CADM4: variants seen among roughly 807,000 people sequenced by gnomAD.
The protein encoded by CADM4 is cell adhesion molecule 4.
A neutral mutation model predicts 43.9 loss-of-function variants in CADM4; 13 were observed. The observed-to-expected ratio is 0.30, with a 90% CI of 0.19 to 0.47. The LOEUF (loss-of-function observed/expected upper bound fraction) is 0.47, where lower values mean the gene tolerates loss of function less well. Ranked by LOEUF, CADM4 falls within the 20% of genes least tolerant of loss-of-function variation. The probability of loss-of-function intolerance (pLI) is 1.00; values close to 1 mark genes in which losing one functional copy is unlikely to be tolerated. For synonymous variants in CADM4, 209 were observed against 220.9 expected (o/e 0.95, Z 0.48); for missense variants, 420 against 527.0 (o/e 0.80, Z 1.99).
chr19:43,624,026 C>T (rs1161230859), intron 8 of CADM4, 88 bp downstream of exon 8: 2 of 1,524,412 alleles, frequency 1.3e-6, no homozygotes, highest in Admixed American at 1.8e-5. Flanking sequence ...GCCTAGGCTC[C>T]GCCCTCTCGT....
Position 43,639,806 on chromosome 19 carries a change from G to A in CADM4, c.-16C>T, listed in dbSNP as rs1303329753. On this transcript the variant is annotated 5_prime_UTR_variant, in exon 1 of 9. Coordinates refer to ENST00000222374, the MANE Select transcript of CADM4 (RefSeq NM_145296.2). ...CCCGGCCCATGGTGCCGCCGCCGCC[G>A]CCGCCGCCGCTCGCTCCCGGCCCGG... 6.0e-6 allele frequency: 6 copies of A among 999,238 alleles called. No homozygotes were observed. The highest frequency in any genetic ancestry group is 4.3e-5 in the South Asian group (1 of 23,474). 61.9% of individuals were successfully genotyped at this position (999,238 alleles called of 1,614,324 possible).
At chr19:43,641,452 G>A (rs939090123), upstream of CADM4, among the ~76,000 whole-genome samples, 1 of 152,072 alleles carries the variant, frequency 6.6e-6, no homozygotes, top group African/African-American at 2.4e-5. Context: ...TGTCCTCAGG[G>A]TCCAAGCTCC....
rs1973540251 is a variant in CADM4 at position 43,627,046 on chromosome 19, G to T, written c.364+120C>A. ...AGGTGGCAGGGGTCAAAGGGGAGAGGTCAGGAGCCAGATGCCCATCCAGGA... is the reference window on the plus strand; with the variant it reads ...AGGTGGCAGGGGTCAAAGGGGAGAGTTCAGGAGCCAGATGCCCATCCAGGA... On this transcript the variant is annotated intron_variant, in intron 3 of 8. Transcript: ENST00000222374. This position sits in a 1 kb window ranked among gnomAD's most constrained non-coding sequence, Gnocchi z 4.0. 3.4e-6 allele frequency: 5 copies of T among 1,484,208 alleles called. No individual in the cohort carries two copies. Among genetic ancestry groups the T allele is most frequent in the Non-Finnish European group, 4.5e-6 (5 of 1,106,870 alleles). 91.9% of individuals were successfully genotyped at this position (1,484,208 alleles called of 1,614,324 possible).
At chr19:43,640,081 CGGTG>C (rs1973757326), upstream of CADM4, among the ~76,000 whole-genome samples, 1 of 148,560 alleles carries the variant, frequency 6.7e-6, no homozygotes. Flanking sequence ...TGGGGGATCT[CGGTG>C]AGCGCGGGAA....
chr19:43,638,850 C>T (rs1973734761), intron 1 of CADM4, among the ~76,000 whole-genome samples: 1 of 152,218 alleles, frequency 6.6e-6, no homozygotes, highest in African/African-American at 2.4e-5. Context: ...CTTTAGAATG[C>T]CCTGCCTGAC....
In CADM4 at chr19:43,623,770, T is replaced by G. The variant is rs1973477925; in HGVS notation, c.1058-331A>C. The stretch of plus-strand genomic sequence containing the variant: ...ATGCTCTTTTTTTCCCCTAATTTTT[T>G]GTATTTTTAGTAGAAAAGGGGCTGC... On this transcript the variant is annotated intron_variant, in intron 8 of 8. Coordinates refer to ENST00000222374, the MANE Select transcript of CADM4 (RefSeq NM_145296.2). This position sits in a 1 kb window ranked among gnomAD's most constrained non-coding sequence, Gnocchi z 4.4. 6.6e-6 allele frequency among the ~76,000 whole-genome samples: 1 copy of G among 152,226 alleles called. No homozygotes were observed. Among genetic ancestry groups the G allele is most frequent in the African/African-American group, 2.4e-5 (1 of 41,456 alleles).
intron 1 of CADM4, among the ~76,000 whole-genome samples, chr19:43,633,603 T>C (rs1288039759): frequency 6.6e-6 from 1 of 152,148 alleles, no homozygotes; most frequent in Non-Finnish European, 1.5e-5. Context: ...ATGAATTACA[T>C]GTGTCAGATG....
At chr19:43,635,456 C>T (rs1242182078) in intron 1 of CADM4, among the ~76,000 whole-genome samples, 1 of 134,512 alleles carries the variant, frequency 7.4e-6, no homozygotes, top group Non-Finnish European at 1.6e-5. Context: ...CCTCAGAAAC[C>T]TGCAGTGGAA....
At position 43,627,326 on chromosome 19, in the gene CADM4, G is replaced by C; in HGVS notation, c.212-8C>G. 3.2e-6 allele frequency: 5 copies of C among 1,562,744 alleles called. No homozygotes were observed. Among genetic ancestry groups the C allele is most frequent in the Non-Finnish European group, 4.3e-6 (5 of 1,149,780 alleles). On this transcript the variant is annotated splice_region_variant and splice_polypyrimidine_tract_variant and intron_variant, in intron 2 of 8. Coordinates refer to ENST00000222374, the MANE Select transcript of CADM4 (RefSeq NM_145296.2). The surrounding 1 kb of genome is among the most constrained non-coding windows in gnomAD (Gnocchi z 4.0). ...AACGCTCATCCTTCAAGGCTAGAGA[G>C]AGTGAGGGGGAAGGTGTGAATTTCG...
At chr19:43,638,642 C>T (rs1175412874) in intron 1 of CADM4, among the ~76,000 whole-genome samples, 1 of 152,250 alleles carries the variant, frequency 6.6e-6, no homozygotes, top group East Asian at 1.9e-4. Context: ...TCCAGCTTCT[C>T]ACAGTGTGTG....
Position 43,625,082 on chromosome 19 carries a change from G to A in CADM4, c.924C>T (p.Val308=), listed in dbSNP as rs745580510. ...GHARALYVLV[V]YDPGAVVEAQ... The stretch of plus-strand genomic sequence containing the variant: ...TCGGCCGCAGCCTGCTCTCACCGTA[G>A]ACCACAAGTACGTAGAGCGCCCTCG... Residue 308 remains valine (V), a synonymous_variant, in exon 7 of 9, where the codon GTC becomes GTT. Transcript: ENST00000222374. The surrounding 1 kb of genome is among the most constrained non-coding windows in gnomAD (Gnocchi z 4.5). 6.3e-7 allele frequency: 1 copy of A among 1,581,078 alleles called. No individual in the cohort carries two copies. Among genetic ancestry groups the A allele is most frequent in the Non-Finnish European group, 8.6e-7 (1 of 1,161,220 alleles).
chr19:43,624,023 C>T (rs1363831856), intron 8 of CADM4, 91 bp downstream of exon 8: 3 of 1,515,490 alleles, frequency 2.0e-6, no homozygotes, highest in Non-Finnish European at 2.7e-6. Context: ...AGAGCCTAGG[C>T]TCCGCCCTCT....
In CADM4 at chr19:43,627,382, C is replaced by T. The variant is rs143561739; in HGVS notation, c.212-64G>A. 1,767 of 1,499,252 alleles carry T rather than the reference C, an allele frequency of 1.2e-3. 14 individuals carry two copies. In the African/African-American group the frequency reaches 0.022, roughly 19 times the overall value. 92.9% of individuals were successfully genotyped at this position (1,499,252 alleles called of 1,614,324 possible). ...CCTGGCCTCACAAGTCCCACCCTTCCGACAGGAGCTTAGAGTCCAGCCCTC... is the reference window on the plus strand; with the variant it reads ...CCTGGCCTCACAAGTCCCACCCTTCTGACAGGAGCTTAGAGTCCAGCCCTC... On this transcript the variant is annotated intron_variant, in intron 2 of 8. Transcript: ENST00000222374. This position sits in a 1 kb window ranked among gnomAD's most constrained non-coding sequence, Gnocchi z 4.0.
chr19:43,625,980 T>G lies in CADM4; in HGVS notation c.686A>C (p.His229Pro). 1 of 1,614,138 alleles carries G rather than the reference T, an allele frequency of 6.2e-7. No homozygotes were observed. Residue 229 changes from histidine to proline, a missense_variant, in exon 6 of 9, where the codon CAT becomes CCT. Transcript: ENST00000222374. The surrounding 1 kb of genome is among the most constrained non-coding windows in gnomAD (Gnocchi z 4.5). The stretch of plus-strand genomic sequence containing the variant: ...CTCCCTCACCACAGCTTGGGAGGCA[T>G]GAATCCGGGCCGTGGGGGAGTCTGT... ...DVQYSPTARI[H>P]ASQAVVREGD...
rs201258734 is a variant in CADM4 at position 43,626,168 on chromosome 19, G to A, written c.620C>T (p.Pro207Leu). Reference protein sequence around the residue: ...IICEAQNQALPSGHSKQTQYV... With the variant: ...IICEAQNQALLSGHSKQTQYV... ...CTGCGTCTGCTTGCTGTGTCCGGAGGGCAGCGCCTGGTTCTGCGCCTCACA... is the reference window on the plus strand; with the variant it reads ...CTGCGTCTGCTTGCTGTGTCCGGAGAGCAGCGCCTGGTTCTGCGCCTCACA... The change falls in exon 5 of 9, where the codon CCC becomes CTC. Residue 207 changes from proline to leucine, a missense_variant. Transcript: ENST00000222374. The surrounding 1 kb of genome is among the most constrained non-coding windows in gnomAD (Gnocchi z 5.9). 6.2e-7 allele frequency: 1 copy of A among 1,613,898 alleles called. No individual in the cohort carries two copies. The highest frequency in any genetic ancestry group is 8.5e-7 in the Non-Finnish European group (1 of 1,179,964).
upstream of CADM4, among the ~76,000 whole-genome samples, chr19:43,640,676 C>CT (rs1333648849): frequency 2.0e-5 from 3 of 152,062 alleles, no homozygotes; most frequent in African/African-American, 7.2e-5. Context: ...CTCCTCCCTG[C>CT]TGTCTCCCTG....
At chr19:43,630,288 T>C (rs1426041187) in intron 1 of CADM4, among the ~76,000 whole-genome samples, 4 of 137,520 alleles carry the variant, frequency 2.9e-5, no homozygotes, top group African/African-American at 1.1e-4. Context: ...TTTCTTTTTT[T>C]TTTTTTTTTT....
At chr19:43,640,383 G>T (rs1485579883), upstream of CADM4, among the ~76,000 whole-genome samples, 1 of 151,868 alleles carries the variant, frequency 6.6e-6, no homozygotes, top group South Asian at 2.1e-4. Context: ...GAGAGGCTGT[G>T]AGCTGAGCCA....
At chr19:43,640,154 G>A (rs553010102), upstream of CADM4, among the ~76,000 whole-genome samples, 5 of 151,662 alleles carry the variant, frequency 3.3e-5, no homozygotes, top group Admixed American at 1.3e-4. Flanking sequence ...GCGAGGGTGC[G>A]GAGTTGCTGG....
Sources: allele counts gnomAD v4.1 joint callset (sites outside exome capture counted in the v4.1 genomes callset), GRCh38; gene constraint gnomAD v4.1.1; non-coding constraint Gnocchi (gnomAD v3.1); transcripts MANE v1.5; gene names NCBI Gene and HGNC (gene_info 2026-07-23, HGNC 2026-07-21).